The following ANGPT4 variants were observed in gnomAD, a reference collection of about 807,000 sequenced individuals.
ANGPT4 encodes angiopoietin 4, also known as angiopoietin-4.
A neutral mutation model predicts 53.0 loss-of-function variants in ANGPT4; 50 were observed. That is an observed-to-expected ratio of 0.94 (90% CI 0.75 to 1.20). ANGPT4 has a LOEUF of 1.20. Among genes scored for constraint, ANGPT4 ranks in the 50% most tolerant of loss-of-function variants. The probability of loss-of-function intolerance (pLI) is 0.00; values close to 1 mark genes in which losing one functional copy is unlikely to be tolerated. For missense variants in ANGPT4, 648 were observed against 637.1 expected, an observed-to-expected ratio of 1.02 and a Z score of -0.18; for synonymous variants, 251 against 259.7, an observed-to-expected ratio of 0.97 and a Z score of 0.32.
chr20:915,569 T>C (rs1425577836), intron 1 of ANGPT4, among the ~76,000 whole-genome samples: 2 of 152,138 alleles, frequency 1.3e-5, no homozygotes, highest in Non-Finnish European at 2.9e-5. Flanking sequence ...ACATAGTAGA[T>C]TATCTCTTAC....
intron 1 of ANGPT4, among the ~76,000 whole-genome samples, chr20:905,124 T>C (rs996033328): frequency 2.0e-5 from 3 of 152,068 alleles, no homozygotes; most frequent in African/African-American, 7.2e-5. Flanking sequence ...TCCCTGAAAA[T>C]GTCACCTCCT....
Position 908,756 on chromosome 20 carries a change from T to C in ANGPT4, c.309+7150A>G, listed in dbSNP as rs1287724656. 1.4e-5 allele frequency among the ~76,000 whole-genome samples: 2 copies of C among 143,434 alleles called. No individual in the cohort carries two copies. Among genetic ancestry groups the C allele is most frequent in the Admixed American group, 6.9e-5 (1 of 14,598 alleles). The allele number at this position is 143,434 out of a possible 152,430, so 94.1% of individuals were successfully genotyped here. A position where few individuals can be genotyped will look rare whatever the true frequency, so the allele number is the denominator to read the frequency against. On this transcript the variant is annotated intron_variant, in intron 1 of 8. Transcript: ENST00000381922. This position sits in a 1 kb window ranked among gnomAD's most constrained non-coding sequence, Gnocchi z 4.9. ...CTGACAAACTAAGTTCAGAGTTGTG[T>C]ATACACATTTGTGTTTGTGTGTGGT...
chr20:910,690 G>A (rs1471415366), intron 1 of ANGPT4, among the ~76,000 whole-genome samples: 1 of 152,220 alleles, frequency 6.6e-6, no homozygotes. Context: ...GAGCTCTAAG[G>A]CCAGGGAGGA....
chr20:894,154 C>A (rs1981955413), intron 1 of ANGPT4, among the ~76,000 whole-genome samples: 1 of 152,194 alleles, frequency 6.6e-6, no homozygotes, highest in Non-Finnish European at 1.5e-5. Flanking sequence ...TTGGCTATTT[C>A]TTTACCTCCC....
At chr20:912,776 A>G (rs1219650454) in intron 1 of ANGPT4, among the ~76,000 whole-genome samples, 1 of 151,920 alleles carries the variant, frequency 6.6e-6, no homozygotes, top group Non-Finnish European at 1.5e-5. Flanking sequence ...GTATGCTAGG[A>G]AAGAGTGCGT....
At chr20:909,612 C>T (rs1982622569) in intron 1 of ANGPT4, among the ~76,000 whole-genome samples, 1 of 152,206 alleles carries the variant, frequency 6.6e-6, no homozygotes, top group African/African-American at 2.4e-5. Flanking sequence ...CCCACATGTG[C>T]ATTGCCTCAT....
At chr20:907,102 G>A (rs923437306) in intron 1 of ANGPT4, among the ~76,000 whole-genome samples, 3 of 152,186 alleles carry the variant, frequency 2.0e-5, no homozygotes, top group African/African-American at 2.4e-5. Flanking sequence ...CTTGCAGAGC[G>A]CCTGGAAGGA....
At position 872,328 on chromosome 20, in the gene ANGPT4, GAGCCTAGAAGTGGTGAAGTGGTAA is replaced by G. The variant is rs1256438308; in HGVS notation, c.*608_*631del. ...TAAAGACCCTGAGCTCCAAACATTG[GAGCCTAGAAGTGGTGAAGTGGTAA>G]AGCCTAGAAGTGGTGAAGTCTAAAG... is the stretch of plus-strand genomic sequence containing the variant. On this transcript the variant is annotated 3_prime_UTR_variant, in exon 9 of 9. Coordinates refer to ENST00000381922, the MANE Select transcript of ANGPT4 (RefSeq NM_015985.4). 3.3e-5 allele frequency: 5 copies of G among 152,134 alleles called. No homozygotes were observed. Among genetic ancestry groups the G allele is most frequent in the African/African-American group, 1.2e-4 (5 of 41,446 alleles). The allele number at this position is 152,134 out of a possible 1,614,324, so 9.4% of individuals were successfully genotyped here. A position where few individuals can be genotyped will look rare whatever the true frequency, so the allele number is the denominator to read the frequency against.
intron 8 of ANGPT4, 130 bp from the exon 9 acceptor site, chr20:873,250 T>TG: frequency 5.8e-6 from 1 of 171,868 alleles, no homozygotes; most frequent in Non-Finnish European, 1.1e-5. Flanking sequence ...GCCAGCTGGC[T>TG]GGGGATGGGG....
chr20:903,067 G>A (rs531950022), intron 1 of ANGPT4, among the ~76,000 whole-genome samples: 107 of 152,278 alleles, frequency 7.0e-4, no homozygotes, highest in Non-Finnish European at 1.3e-3. Context: ...GCGGGGGCTG[G>A]GCGGGTGAAA....
Position 872,946 on chromosome 20 carries a change from G to C in ANGPT4, c.*14C>G. Reference sequence around the variant, plus strand: ...GCTTCTCCTGTGTGGTCCAGCCTCTGGCACAGCTGCTCGTTAGATGTCCAA... The same window carrying C: ...GCTTCTCCTGTGTGGTCCAGCCTCTCGCACAGCTGCTCGTTAGATGTCCAA... On this transcript the variant is annotated 3_prime_UTR_variant, in exon 9 of 9. Coordinates refer to ENST00000381922, the MANE Select transcript of ANGPT4 (RefSeq NM_015985.4). 1 of 1,613,670 alleles carries C rather than the reference G, an allele frequency of 6.2e-7. No individual in the cohort carries two copies. The highest frequency in any genetic ancestry group is 8.5e-7 in the Non-Finnish European group (1 of 1,179,926).
chr20:875,854 G>A (rs1393224896), intron 7 of ANGPT4, among the ~76,000 whole-genome samples: 2 of 152,152 alleles, frequency 1.3e-5, no homozygotes, highest in Non-Finnish European at 2.9e-5. Context: ...CTGAGGCTGG[G>A]TAGGGTGGCT....
At chr20:897,810 C>T (rs1982116175) in intron 1 of ANGPT4, among the ~76,000 whole-genome samples, 1 of 152,200 alleles carries the variant, frequency 6.6e-6, no homozygotes. Context: ...CTCCCTTAGC[C>T]TGTGTTCTCA....
At chr20:881,339 G>A (rs1270872326) in intron 4 of ANGPT4, 53 bp from the exon 5 acceptor site, 3 of 1,516,130 alleles carry the variant, frequency 2.0e-6, no homozygotes, top group Non-Finnish European at 2.7e-6. Flanking sequence ...AAAGAGAGAA[G>A]GGGCCAAGTG....
intron 1 of ANGPT4, among the ~76,000 whole-genome samples, chr20:892,499 G>A (rs1477387044): frequency 1.3e-5 from 2 of 152,006 alleles, no homozygotes; most frequent in Non-Finnish European, 2.9e-5. Flanking sequence ...AGGAGACTGA[G>A]GCAGGAGGAT....
At chr20:894,331 C>T (rs1444813348) in intron 1 of ANGPT4, among the ~76,000 whole-genome samples, 1 of 152,192 alleles carries the variant, frequency 6.6e-6, no homozygotes, top group East Asian at 1.9e-4. Context: ...CCCCTCTCAA[C>T]AGGAAAACCC....
rs545892051 is a variant in ANGPT4, at chr20:888,020, C to T, written c.587+298G>A. On this transcript the variant is annotated intron_variant, in intron 3 of 8. Transcript: ENST00000381922. ...GTTTGCCTGGCTCCTAGCCCAGCCCCGTATCCACTCTCATTTCCAGCCTCA... is the reference window on the plus strand; with the variant it reads ...GTTTGCCTGGCTCCTAGCCCAGCCCTGTATCCACTCTCATTTCCAGCCTCA... Among the ~76,000 whole-genome samples the T allele has an allele frequency of 3.3e-5, 5 of 152,196 alleles. No homozygotes were observed. The South Asian group carries it at 6.2e-4, about 19-fold the overall frequency.
Position 872,787 on chromosome 20 carries a change from G to A in ANGPT4, c.*173C>T, listed in dbSNP as rs1953597758. On this transcript the variant is annotated 3_prime_UTR_variant, in exon 9 of 9. Transcript: ENST00000381922. ...ACACCCTCCATGTCACAGACGGAGG[G>A]GAGTTGGGGGGCAGATGACCCTTCT... is the stretch of plus-strand genomic sequence containing the variant. The A allele has an allele frequency of 5.6e-6, 4 of 719,640 alleles. No individual in the cohort carries two copies. The highest frequency in any genetic ancestry group is 1.9e-5 in the African/African-American group (1 of 53,516). The allele number at this position is 719,640 out of a possible 1,614,324, so 44.6% of individuals were successfully genotyped here.
At position 908,788 on chromosome 20, in the gene ANGPT4, C is replaced by T. The variant is rs1982583817; in HGVS notation, c.309+7118G>A. On this transcript the variant is annotated intron_variant, in intron 1 of 8. Transcript: ENST00000381922. The surrounding 1 kb of genome is among the most constrained non-coding windows in gnomAD (Gnocchi z 4.9). The stretch of plus-strand genomic sequence containing the variant: ...ATTTGTGTTTGTGTGTGGTGGGGGG[C>T]AGGAGTCGGGGGTTGCACATCTACA... 1.5e-5 allele frequency among the ~76,000 whole-genome samples: 2 copies of T among 135,610 alleles called. No individual in the cohort carries two copies. The highest frequency in any genetic ancestry group is 3.2e-5 in the Non-Finnish European group (2 of 62,572). The allele number at this position is 135,610 out of a possible 152,430, so 89.0% of individuals were successfully genotyped here.
Sources: gnomAD v4.1 joint callset for allele counts (sites outside exome capture counted in the v4.1 genomes callset) on GRCh38, gnomAD v4.1.1 for gene constraint, Gnocchi (gnomAD v3.1) non-coding constraint, MANE v1.5 for transcripts, NCBI Gene and HGNC (gene_info 2026-07-23, HGNC 2026-07-21) for gene names.